DOCK2: variants seen among roughly 807,000 people sequenced by gnomAD.
DOCK2 encodes dedicator of cytokinesis 2.
In DOCK2, 87 loss-of-function variants were observed where a neutral mutation model predicts 248.9. The ratio of observed to expected loss-of-function variants is 0.35; its 90% CI spans 0.29 to 0.42. DOCK2 has a LOEUF of 0.42. Among genes scored for constraint, DOCK2 ranks in the 10% least tolerant of loss-of-function variants. The probability of loss-of-function intolerance (pLI) is 1.00; values close to 1 mark genes in which losing one functional copy is unlikely to be tolerated. For missense variants in DOCK2, 1,747 were observed against 2,300.2 expected, an observed-to-expected ratio of 0.76 and a Z score of 4.92; for synonymous variants, 805 against 821.6, an observed-to-expected ratio of 0.98 and a Z score of 0.35.
At chr5:170,052,483 A>G (rs1756954305) in intron 41 of DOCK2, among the ~76,000 whole-genome samples, 1 of 152,200 alleles carries the variant, frequency 6.6e-6, no homozygotes, top group South Asian at 2.1e-4. Context: ...GGGAAGGGCT[A>G]ATATTTGCTA....
At chr5:170,019,287 C>G (rs571152364) in intron 33 of DOCK2, among the ~76,000 whole-genome samples, 179 bp downstream of exon 33, 1 of 152,282 alleles carries the variant, frequency 6.6e-6, no homozygotes, top group African/African-American at 2.4e-5. Flanking sequence ...TTCTATCAAG[C>G]TTTTCCGTCC....
chr5:170,040,945 T>C (rs565122250), intron 36 of DOCK2, 110 bp from the exon 37 acceptor site: 1 of 874,868 alleles, frequency 1.1e-6, no homozygotes, highest in Admixed American at 2.0e-5. Flanking sequence ...AGGAGGACTT[T>C]CTTGCGACCC....
At chr5:169,885,861 A>G (rs1182121443) in intron 27 of DOCK2, among the ~76,000 whole-genome samples, 2 of 132,374 alleles carry the variant, frequency 1.5e-5, no homozygotes, top group African/African-American at 5.1e-5. Context: ...GCATTATCTC[A>G]TTTAATCCTT....
Position 169,810,540 on chromosome 5 carries a change from T to C in DOCK2, c.2703+7334T>C, listed in dbSNP as rs552969985. ...GGTAGCTTGAGTAGGAAAAAGGAAA[T>C]GGGATGATACAAAAAGGTGGGTTGG... On this transcript the variant is annotated intron_variant, in intron 26 of 51. Coordinates refer to ENST00000520908, the MANE Select transcript of DOCK2 (RefSeq NM_004946.3). 3.3e-5 allele frequency among the ~76,000 whole-genome samples: 5 copies of C among 152,212 alleles called. No homozygotes were observed. The South Asian group carries it at 1.0e-3, about 32-fold the overall frequency.
intron 22 of DOCK2, among the ~76,000 whole-genome samples, chr5:169,731,128 A>C (rs1159857290): frequency 1.3e-5 from 2 of 152,156 alleles, no homozygotes; most frequent in African/African-American, 2.4e-5. Flanking sequence ...TCAGTCTCCC[A>C]AAATGCTGAG....
rs140212829 is a variant in DOCK2, at chr5:169,795,794, G to A, written c.2555-7264G>A. ...AAAAGCAGCCTGGCAGAGCAGAGCT[G>A]GATTTACACTGGTCAGCCCTGCCTG... On this transcript the variant is annotated intron_variant, in intron 25 of 51. Transcript: ENST00000520908. Among the ~76,000 whole-genome samples, 278 of 152,296 alleles carry A rather than the reference G, an allele frequency of 1.8e-3. 3 individuals carry two copies. The highest frequency in any genetic ancestry group is 3.6e-3 in the African/African-American group (148 of 41,566).
At chr5:170,042,496 TC>T (rs1756553957) in intron 38 of DOCK2, among the ~76,000 whole-genome samples, 2 of 152,164 alleles carry the variant, frequency 1.3e-5, no homozygotes, top group African/African-American at 4.8e-5. Flanking sequence ...ACACAATCCT[TC>T]CCATGGCCCA....
chr5:169,661,267 C>T (rs1362274507), intron 2 of DOCK2, among the ~76,000 whole-genome samples: 1 of 152,008 alleles, frequency 6.6e-6, no homozygotes. Flanking sequence ...TAGCAGATCT[C>T]CAACAAATTC....
intron 27 of DOCK2, chr5:169,883,808 T>C: frequency 6.4e-7 from 1 of 1,551,146 alleles, no homozygotes; most frequent in South Asian, 1.2e-5. Context: ...GATTTGCTCC[T>C]GCGGTGGTGA....
At chr5:169,791,076 G>C (rs536295683) in intron 25 of DOCK2, among the ~76,000 whole-genome samples, 5 of 152,228 alleles carry the variant, frequency 3.3e-5, no homozygotes, top group South Asian at 2.1e-4. Flanking sequence ...CACTAAACAG[G>C]GTTCTGATTC....
In DOCK2 at chr5:169,855,857, A is replaced by T. The variant is rs556541138; in HGVS notation, c.2799+15005A>T. On this transcript the variant is annotated intron_variant, in intron 27 of 51. Coordinates refer to ENST00000520908, the MANE Select transcript of DOCK2 (RefSeq NM_004946.3). The stretch of plus-strand genomic sequence containing the variant: ...TCTGTTTTAACACTGTGATAAAGAC[A>T]TACCTGAGACTGGCTAATTTATAAA... Among the ~76,000 whole-genome samples the T allele has an allele frequency of 7.3e-4, 111 of 152,356 alleles. No individual in the cohort carries two copies. In the Middle Eastern group the frequency reaches 0.017, roughly 23 times the overall value.
In DOCK2 at chr5:169,989,435, A is replaced by G. The variant is rs75631722; in HGVS notation, c.2993+3513A>G. Reference sequence around the variant, plus strand: ...GGCTTAGGATTTATGCATAGCCCTAAAGTTACCCTAAATGCAGCCAACCAC... The same window carrying G: ...GGCTTAGGATTTATGCATAGCCCTAGAGTTACCCTAAATGCAGCCAACCAC... On this transcript the variant is annotated intron_variant, in intron 29 of 51. Transcript: ENST00000520908. Among the ~76,000 whole-genome samples the G allele has an allele frequency of 2.5e-3, 387 of 152,330 alleles. 4 individuals carry two copies. Among genetic ancestry groups the G allele is most frequent in the African/African-American group, 8.9e-3 (371 of 41,574 alleles).
intron 27 of DOCK2, among the ~76,000 whole-genome samples, chr5:169,874,480 G>A (rs1455732790): frequency 6.6e-6 from 1 of 151,852 alleles, no homozygotes; most frequent in Non-Finnish European, 1.5e-5. Flanking sequence ...TGAGCGGGTG[G>A]TGGTGGCAGA....
chr5:169,869,981 A>G lies in DOCK2; in HGVS notation c.2799+29129A>G, dbSNP rs756148832. Among the ~76,000 whole-genome samples, 75 of 152,280 alleles carry G rather than the reference A, an allele frequency of 4.9e-4. 1 individual carries two copies. The highest frequency in any genetic ancestry group is 6.0e-4 in the Non-Finnish European group (41 of 68,034). On this transcript the variant is annotated intron_variant, in intron 27 of 51. Transcript: ENST00000520908. ...GAACCCTGGCTTACAGTGGAGGGCA[A>G]ATAGTAGTTAAGAAATTGTTACAAT... is the stretch of plus-strand genomic sequence containing the variant.
intron 41 of DOCK2, among the ~76,000 whole-genome samples, chr5:170,052,233 G>A (rs6879567): frequency 0.072 from 10,892 of 152,182 alleles, 988 homozygotes; most frequent in African/African-American, 0.21. Context: ...CCTGCCCTGC[G>A]TACCTGCTCT....
intron 1 of DOCK2, among the ~76,000 whole-genome samples, chr5:169,653,416 GC>G (rs1581388305): frequency 1.3e-5 from 2 of 152,198 alleles, no homozygotes; most frequent in East Asian, 3.8e-4. Context: ...CTGTTTTGTA[GC>G]TGTCACCAGC....
intron 27 of DOCK2, among the ~76,000 whole-genome samples, chr5:169,855,655 G>C (rs1270751495): frequency 6.6e-6 from 1 of 152,192 alleles, no homozygotes; most frequent in African/African-American, 2.4e-5. Context: ...GAACAGTGCA[G>C]GGGTCTACAT....
chr5:169,893,874 C>T (rs2113550354), intron 27 of DOCK2, among the ~76,000 whole-genome samples: 1 of 152,338 alleles, frequency 6.6e-6, no homozygotes, highest in Middle Eastern at 3.4e-3. Flanking sequence ...AAATCGTTTT[C>T]CATCTCAGCA....
At chr5:169,699,834 C>T (rs138125893) in intron 12 of DOCK2, among the ~76,000 whole-genome samples, 180 bp from the exon 13 acceptor site, 69 of 152,310 alleles carry the variant, frequency 4.5e-4, no homozygotes, top group African/African-American at 1.6e-3. Context: ...AAATCATTAG[C>T]GGGATTCAGA....
Sources: gnomAD v4.1 joint callset for allele counts (sites outside exome capture counted in the v4.1 genomes callset) on GRCh38, gnomAD v4.1.1 for gene constraint, MANE v1.5 for transcripts, NCBI Gene and HGNC (gene_info 2026-07-23, HGNC 2026-07-21) for gene names.